The following ARL15 variants were observed in gnomAD, a reference collection of about 807,000 sequenced individuals.
The protein encoded by ARL15 is ARF like GTPase 15.
In ARL15, 19 loss-of-function variants were observed where a neutral mutation model predicts 25.2. The observed-to-expected ratio is 0.75, with a 90% CI of 0.53 to 1.10. The LOEUF (loss-of-function observed/expected upper bound fraction) is 1.10, where lower values mean the gene tolerates loss of function less well. ARL15 is among the 50% of genes least tolerant of loss of function. The pLI is 0.00. For missense variants in ARL15, 220 were observed against 246.0 expected (o/e 0.89, Z 0.71); for synonymous variants, 94 against 86.8 (o/e 1.08, Z -0.46).
At chr5:54,121,088 A>G (rs1753060495) in intron 3 of ARL15, among the ~76,000 whole-genome samples, 1 of 152,204 alleles carries the variant, frequency 6.6e-6, no homozygotes, top group Non-Finnish European at 1.5e-5. Flanking sequence ...AGAGTCACAT[A>G]CTATAAGCCT....
rs549878953 is a variant in ARL15, at chr5:54,068,078, A to G, written c.462+45124T>C. 1.6e-4 allele frequency among the ~76,000 whole-genome samples: 24 copies of G among 152,338 alleles called. No individual in the cohort carries two copies. The East Asian group carries it at 4.2e-3, about 27-fold the overall frequency. On this transcript the variant is annotated intron_variant, in intron 4 of 4. Transcript: ENST00000504924. Reference sequence around the variant, plus strand: ...TTAATCTTCAATAAAGAGCTGGAGGATAAGAAAATAATGGTTCCAAGAACT... The same window carrying G: ...TTAATCTTCAATAAAGAGCTGGAGGGTAAGAAAATAATGGTTCCAAGAACT...
At chr5:54,131,118 T>C (rs968214308) in intron 3 of ARL15, among the ~76,000 whole-genome samples, 5 of 152,202 alleles carry the variant, frequency 3.3e-5, no homozygotes, top group Non-Finnish European at 7.3e-5. Flanking sequence ...TCATCACCTC[T>C]AGCAGTAAGC....
chr5:54,288,753 A>G (rs1016764098), intron 1 of ARL15, among the ~76,000 whole-genome samples: 5 of 152,200 alleles, frequency 3.3e-5, no homozygotes, highest in African/African-American at 1.2e-4. Context: ...ACCTACTACA[A>G]ATAACACTTT....
chr5:53,951,813 A>G (rs1393692195), intron 4 of ARL15, among the ~76,000 whole-genome samples: 1 of 122,002 alleles, frequency 8.2e-6, no homozygotes, highest in Admixed American at 8.2e-5. Flanking sequence ...CACATTATAT[A>G]TTTTTACTGT....
At chr5:53,946,173 GC>G (rs1365475432) in intron 4 of ARL15, among the ~76,000 whole-genome samples, 2 of 152,148 alleles carry the variant, frequency 1.3e-5, no homozygotes, top group African/African-American at 2.4e-5. Flanking sequence ...GACATAATAG[GC>G]TGCGCACCAT....
chr5:53,884,966 T>C lies in ARL15; in HGVS notation c.*1595A>G, dbSNP rs547636421. ...ATCACTATGTATCCTTCCTGATTCATGACATTAAAAAAAAAAAGCTTAAAG... is the reference window on the plus strand; with the variant it reads ...ATCACTATGTATCCTTCCTGATTCACGACATTAAAAAAAAAAAGCTTAAAG... On this transcript the variant is annotated 3_prime_UTR_variant, in exon 5 of 5. Transcript: ENST00000504924. 1.3e-5 allele frequency: 2 copies of C among 151,922 alleles called. No homozygotes were observed. The highest frequency in any genetic ancestry group is 6.6e-5 in the Admixed American group (1 of 15,222). 9.4% of individuals were successfully genotyped at this position (151,922 alleles called of 1,614,324 possible).
At chr5:54,096,560 G>A (rs1752292953) in intron 4 of ARL15, among the ~76,000 whole-genome samples, 3 of 151,964 alleles carry the variant, frequency 2.0e-5, no homozygotes, top group South Asian at 2.1e-4. Flanking sequence ...ACAGGCACCC[G>A]CCACCACACC....
At chr5:53,995,303 C>CAAAAAAAA (rs34234639) in intron 4 of ARL15, among the ~76,000 whole-genome samples, 4 of 44,678 alleles carry the variant, frequency 9.0e-5, no homozygotes, top group Admixed American at 2.8e-4. Flanking sequence ...GACTCCGTCA[C>CAAAAAAAA]AAAAAAAAAA....
At chr5:54,299,824 G>C (rs72756295) in intron 1 of ARL15, among the ~76,000 whole-genome samples, 5,111 of 151,874 alleles carry the variant, frequency 0.034, 182 homozygotes, top group African/African-American at 0.087. Context: ...CCTGATCTCG[G>C]GATACATACA....
intron 4 of ARL15, among the ~76,000 whole-genome samples, chr5:54,049,595 GT>G (rs946079974): frequency 6.7e-6 from 1 of 150,088 alleles, no homozygotes; most frequent in African/African-American, 2.5e-5. Context: ...TGACACAGAG[GT>G]TTTGTTGTTG....
At chr5:54,145,676 A>C (rs1030417351) in intron 3 of ARL15, among the ~76,000 whole-genome samples, 4 of 152,110 alleles carry the variant, frequency 2.6e-5, no homozygotes, top group Non-Finnish European at 5.9e-5. Context: ...CAGGGATTGC[A>C]TCCTCAGGGC....
intron 4 of ARL15, among the ~76,000 whole-genome samples, chr5:53,919,713 A>G (rs1017962758): frequency 1.3e-5 from 2 of 152,146 alleles, no homozygotes; most frequent in East Asian, 3.9e-4. Context: ...AGATAGAGCT[A>G]ACCTTTATTG....
At chr5:54,257,106 G>C (rs922051465) in intron 1 of ARL15, among the ~76,000 whole-genome samples, 1 of 152,150 alleles carries the variant, frequency 6.6e-6, no homozygotes. Flanking sequence ...TCAGGCAAAT[G>C]AAAGAAATAA....
intron 4 of ARL15, among the ~76,000 whole-genome samples, chr5:54,001,296 T>A (rs781388127): frequency 2.0e-5 from 3 of 152,132 alleles, no homozygotes; most frequent in Non-Finnish European, 2.9e-5. Flanking sequence ...ATCTTTTCCA[T>A]CTCTTTATCA....
At chr5:54,038,158 T>C (rs900270398) in intron 4 of ARL15, among the ~76,000 whole-genome samples, 3 of 152,092 alleles carry the variant, frequency 2.0e-5, no homozygotes, top group Admixed American at 2.0e-4. Context: ...TGTAATGAAA[T>C]TGCTAATTCC....
At chr5:53,927,325 G>C (rs1260102668) in intron 4 of ARL15, among the ~76,000 whole-genome samples, 1 of 152,086 alleles carries the variant, frequency 6.6e-6, no homozygotes, top group Non-Finnish European at 1.5e-5. Context: ...TCTGTGCCTT[G>C]CCAAGTCACA....
At chr5:54,116,865 G>GAC (rs145292261) in intron 3 of ARL15, among the ~76,000 whole-genome samples, 221 of 152,222 alleles carry the variant, frequency 1.5e-3, no homozygotes, top group African/African-American at 5.1e-3. Context: ...AGAGATCATG[G>GAC]ACTAAAAAGG....
chr5:53,970,493 A>G (rs1279720026), intron 4 of ARL15, among the ~76,000 whole-genome samples: 2 of 152,044 alleles, frequency 1.3e-5, no homozygotes, highest in African/African-American at 4.8e-5. Flanking sequence ...AGAAAGAGAG[A>G]GAGAGAGGGA....
At chr5:54,201,491 T>A (rs940653505) in intron 1 of ARL15, among the ~76,000 whole-genome samples, 1 of 152,188 alleles carries the variant, frequency 6.6e-6, no homozygotes, top group South Asian at 2.1e-4. Flanking sequence ...AACCCCCATA[T>A]CTAATTTGAT....
Sources: gnomAD v4.1 joint callset for allele counts (sites outside exome capture counted in the v4.1 genomes callset) on GRCh38, gnomAD v4.1.1 for gene constraint, MANE v1.5 for transcripts, NCBI Gene and HGNC (gene_info 2026-07-23, HGNC 2026-07-21) for gene names.